The following SOX5 variants were observed in gnomAD, a reference collection of about 807,000 sequenced individuals.
SOX5 encodes the protein SRY-box transcription factor 5.
Under a neutral mutation model 92.0 loss-of-function variants are expected in SOX5, and 9 were observed. The observed-to-expected ratio is 0.10, with a 90% CI of 0.06 to 0.17. The LOEUF is 0.17. Ranked by LOEUF, SOX5 falls within the 10% of genes least tolerant of loss-of-function variation. The pLI, the probability that SOX5 is intolerant of heterozygous loss-of-function variation, is 1.00. For synonymous variants in SOX5, 344 were observed against 336.3 expected, an observed-to-expected ratio of 1.02 and a Z score of -0.25; for missense variants, 642 against 944.5, an observed-to-expected ratio of 0.68 and a Z score of 4.20.
At chr12:23,741,141 T>G (rs985466396) in intron 4 of SOX5, 102 bp from the exon 5 acceptor site, 2 of 787,666 alleles carry the variant, frequency 2.5e-6, no homozygotes, top group Non-Finnish European at 1.8e-6. Context: ...AAATATAAAG[T>G]TCAATAAACA....
intron 4 of SOX5, among the ~76,000 whole-genome samples, chr12:24,110,678 G>A (rs1278361700): frequency 6.6e-6 from 1 of 151,986 alleles, no homozygotes; most frequent in Non-Finnish European, 1.5e-5. Context: ...GAGGTCAGGA[G>A]ATTGAGACCA....
chr12:24,516,764 T>C (rs982861063), intron 1 of SOX5, among the ~76,000 whole-genome samples: 34 of 152,278 alleles, frequency 2.2e-4, no homozygotes, highest in African/African-American at 7.5e-4. Context: ...CATGGAATTA[T>C]AAATCAGGCA....
chr12:24,502,839 CA>C (rs1948355035), intron 1 of SOX5, among the ~76,000 whole-genome samples: 1 of 152,070 alleles, frequency 6.6e-6, no homozygotes, highest in African/African-American at 2.4e-5. Context: ...CTGAGAAAAA[CA>C]CATCAATTTT....
At chr12:23,787,305 C>T (rs1363063422) in intron 3 of SOX5, among the ~76,000 whole-genome samples, 3 of 151,916 alleles carry the variant, frequency 2.0e-5, no homozygotes, top group Admixed American at 2.0e-4. Flanking sequence ...AGAGATCTGA[C>T]ATTCTGAAGT....
chr12:24,174,539 A>G (rs948008033), intron 4 of SOX5, among the ~76,000 whole-genome samples: 1 of 152,202 alleles, frequency 6.6e-6, no homozygotes, highest in East Asian at 1.9e-4. Context: ...AAACAAAAAC[A>G]AGGCGGAAAT....
At chr12:24,382,787 G>A (rs1027046351) in intron 1 of SOX5, among the ~76,000 whole-genome samples, 5 of 138,954 alleles carry the variant, frequency 3.6e-5, no homozygotes, top group African/African-American at 1.4e-4. Flanking sequence ...TAGATGTACA[G>A]TAAAAGCAAA....
At chr12:23,915,505 C>A (rs11047162) in intron 1 of SOX5, among the ~76,000 whole-genome samples, 17,413 of 152,054 alleles carry the variant, frequency 0.11, 1,115 homozygotes, top group African/African-American at 0.16. Flanking sequence ...TGAGTAATCA[C>A]GTTCTTACAA....
At chr12:23,798,599 CA>C (rs57605234) in intron 3 of SOX5, among the ~76,000 whole-genome samples, 20,300 of 124,080 alleles carry the variant, frequency 0.16, 1,490 homozygotes, top group African/African-American at 0.23. Context: ...GCAAAAGAAC[CA>C]AAAAAAAAAA....
rs146161636 is a variant in SOX5, at chr12:24,176,323, T to C, written c.-2+37020A>G. Among the ~76,000 whole-genome samples the C allele has an allele frequency of 6.4e-3, 977 of 152,050 alleles. 11 individuals are homozygous for C. The highest frequency in any genetic ancestry group is 0.022 in the African/African-American group (929 of 41,460). ...CAGCCTGGGTAACAGGACGAGACCCTGTTTTGGGGAAGAAAAAAAAATAAC... is the reference window on the plus strand; with the variant it reads ...CAGCCTGGGTAACAGGACGAGACCCCGTTTTGGGGAAGAAAAAAAAATAAC... On this transcript the variant is annotated intron_variant, in intron 4 of 4. Coordinates refer to the SOX5 transcript ENST00000446891.
intron 1 of SOX5, among the ~76,000 whole-genome samples, chr12:24,538,254 G>C (rs1249863558): frequency 6.6e-6 from 1 of 152,012 alleles, no homozygotes; most frequent in Non-Finnish European, 1.5e-5. Flanking sequence ...TCCCAGCTTG[G>C]GTGGCTGTTC....
At chr12:24,202,152 C>A (rs1203148914) in intron 4 of SOX5, among the ~76,000 whole-genome samples, 2 of 152,178 alleles carry the variant, frequency 1.3e-5, no homozygotes, top group African/African-American at 4.8e-5. Context: ...GGGGTTTACA[C>A]AGTGGGTGAC....
At chr12:24,015,922 G>GA (rs11334278) in intron 4 of SOX5, among the ~76,000 whole-genome samples, 222 of 145,118 alleles carry the variant, frequency 1.5e-3, no homozygotes, top group Middle Eastern at 3.6e-3. Context: ...AATGGGGGCA[G>GA]AAAAAAAAAA....
intron 3 of SOX5, among the ~76,000 whole-genome samples, chr12:24,271,313 G>A (rs1943707174): frequency 6.6e-6 from 1 of 151,982 alleles, no homozygotes; most frequent in South Asian, 2.1e-4. Flanking sequence ...TCATATATTG[G>A]GCATTTTCAA....
At chr12:24,271,982 AACACACACACAC>A (rs71059998) in intron 3 of SOX5, among the ~76,000 whole-genome samples, 1 of 150,520 alleles carries the variant, frequency 6.6e-6, no homozygotes, top group African/African-American at 2.4e-5. Context: ...CACACACACA[AACACACACACAC>A]ACACAATGTA....
chr12:24,457,582 T>C (rs1296338289), intron 1 of SOX5, among the ~76,000 whole-genome samples: 1 of 152,206 alleles, frequency 6.6e-6, no homozygotes, highest in Non-Finnish European at 1.5e-5. Flanking sequence ...GAAATTCTAG[T>C]ATTTGTAGTT....
chr12:23,906,113 C>T (rs1341872298), intron 1 of SOX5, among the ~76,000 whole-genome samples: 1 of 152,092 alleles, frequency 6.6e-6, no homozygotes, highest in African/African-American at 2.4e-5. Flanking sequence ...CAACACAAGT[C>T]CAATAGGAGC....
chr12:24,554,552 GC>G lies in SOX5; in HGVS notation c.-251+7776del, dbSNP rs1953568635. The stretch of plus-strand genomic sequence containing the variant: ...TGTCAAAAATTAGCTCTCTTTTCCT[GC>G]CTCCCATCCTCCTTGGATTCCAAAG... On this transcript the variant is annotated intron_variant, in intron 1 of 4. Transcript: ENST00000446891. Among the ~76,000 whole-genome samples, 4 of 151,954 alleles carry G rather than the reference GC, an allele frequency of 2.6e-5. No individual in the cohort carries two copies. The South Asian group carries it at 8.3e-4, about 32-fold the overall frequency.
intron 4 of SOX5, among the ~76,000 whole-genome samples, chr12:24,153,894 C>A (rs1951905310): frequency 6.6e-6 from 1 of 152,076 alleles, no homozygotes; most frequent in Admixed American, 6.6e-5. Flanking sequence ...CACAGACAAA[C>A]CCCACTCAAT....
At chr12:24,042,303 T>C (rs1322228005) in intron 4 of SOX5, among the ~76,000 whole-genome samples, 1 of 152,102 alleles carries the variant, frequency 6.6e-6, no homozygotes, top group Non-Finnish European at 1.5e-5. Context: ...ACCTTTATAG[T>C]ATTATATAAA....
Sources: gnomAD v4.1 joint callset for allele counts (sites outside exome capture counted in the v4.1 genomes callset) on GRCh38, gnomAD v4.1.1 for gene constraint, MANE v1.5 for transcripts, NCBI Gene and HGNC (gene_info 2026-07-23, HGNC 2026-07-21) for gene names.